The following MEI4 variants were observed in gnomAD, a reference collection of about 807,000 sequenced individuals.
The protein encoded by MEI4 is meiosis-specific protein MEI4.
A neutral mutation model predicts 31.4 loss-of-function variants in MEI4; 27 were observed. The observed-to-expected ratio is 0.86, with a 90% CI of 0.63 to 1.19. The LOEUF is 1.19. Among genes scored for constraint, MEI4 ranks in the 50% most tolerant of loss-of-function variants. MEI4 has a pLI of 0.00. For synonymous variants in MEI4, 122 were observed against 145.4 expected, an observed-to-expected ratio of 0.84 and a Z score of 1.16; for missense variants, 329 against 398.9, an observed-to-expected ratio of 0.82 and a Z score of 1.49.
At chr6:77,679,854 C>T (rs1433078779) in intron 1 of MEI4, among the ~76,000 whole-genome samples, 1 of 151,488 alleles carries the variant, frequency 6.6e-6, no homozygotes, top group Non-Finnish European at 1.5e-5. Flanking sequence ...GATTCTCCTG[C>T]CTCAACCTCC....
chr6:77,915,956 A>G (rs1279015429), intron 4 of MEI4, among the ~76,000 whole-genome samples: 3 of 151,762 alleles, frequency 2.0e-5, no homozygotes, highest in Non-Finnish European at 2.9e-5. Context: ...ATTCTTTTTC[A>G]TTCTGTCATC....
chr6:77,781,331 G>A (rs1768591818), intron 3 of MEI4, among the ~76,000 whole-genome samples: 1 of 151,952 alleles, frequency 6.6e-6, no homozygotes, highest in Admixed American at 6.6e-5. Flanking sequence ...TTTTTCTAAT[G>A]CTTACGACCT....
chr6:77,815,653 A>C (rs1388315957), intron 3 of MEI4, among the ~76,000 whole-genome samples: 1 of 152,146 alleles, frequency 6.6e-6, no homozygotes, highest in African/African-American at 2.4e-5. Flanking sequence ...GAGAACTTAG[A>C]TACTAGGTAA....
chr6:77,709,582 C>T (rs1030822442), intron 2 of MEI4, among the ~76,000 whole-genome samples: 1 of 152,092 alleles, frequency 6.6e-6, no homozygotes, highest in Admixed American at 6.5e-5. Context: ...CTTATACATA[C>T]TTTTTATAGT....
At chr6:77,762,382 G>C (rs752530606) in intron 3 of MEI4, among the ~76,000 whole-genome samples, 10 of 152,126 alleles carry the variant, frequency 6.6e-5, no homozygotes, top group Non-Finnish European at 1.3e-4. Context: ...AGACATGATA[G>C]AGAATTTCTT....
At chr6:77,788,115 T>C (rs1329659518) in intron 3 of MEI4, among the ~76,000 whole-genome samples, 6 of 152,024 alleles carry the variant, frequency 3.9e-5, no homozygotes, top group Non-Finnish European at 8.8e-5. Flanking sequence ...AATCAATAAA[T>C]GTAATCCAGC....
At chr6:77,755,509 C>T (rs897521545) in intron 2 of MEI4, among the ~76,000 whole-genome samples, 1 of 152,058 alleles carries the variant, frequency 6.6e-6, no homozygotes, top group South Asian at 2.1e-4. Context: ...ACCTCCACCT[C>T]CCATGTTCAA....
intron 2 of MEI4, among the ~76,000 whole-genome samples, chr6:77,726,476 G>C (rs926118467): frequency 6.6e-6 from 1 of 152,164 alleles, no homozygotes; most frequent in South Asian, 2.1e-4. Flanking sequence ...AGAAGAGACA[G>C]CATGTGAACA....
At chr6:77,650,786 TG>T (rs1768286188), upstream of MEI4, among the ~76,000 whole-genome samples, 1 of 152,256 alleles carries the variant, frequency 6.6e-6, no homozygotes, top group African/African-American at 2.4e-5. Flanking sequence ...GTGGAGCTGC[TG>T]AAGCATCGGC....
chr6:77,690,654 A>G lies in MEI4; in HGVS notation c.-14-4A>G. On this transcript the variant is annotated splice_region_variant and splice_polypyrimidine_tract_variant and intron_variant, in intron 1 of 4. Coordinates refer to ENST00000684080, the MANE Select transcript of MEI4 (RefSeq NM_001322247.2). Reference sequence around the variant, plus strand: ...TCTATAACTTTTTTCTTATTAAATGATAGGGACAAAAGCCAGGATGGATGT... The same window carrying G: ...TCTATAACTTTTTTCTTATTAAATGGTAGGGACAAAAGCCAGGATGGATGT... 8.3e-7 allele frequency: 1 copy of G among 1,204,486 alleles called. No homozygotes were observed. The highest frequency in any genetic ancestry group is 1.0e-6 in the Non-Finnish European group (1 of 962,864). The allele number at this position is 1,204,486 out of a possible 1,614,324, so 74.6% of individuals were successfully genotyped here. A position where few individuals can be genotyped will look rare whatever the true frequency, so the allele number is the denominator to read the frequency against.
At chr6:77,913,127 TG>T (rs1253130792) in intron 4 of MEI4, among the ~76,000 whole-genome samples, 4 of 152,200 alleles carry the variant, frequency 2.6e-5, no homozygotes, top group Non-Finnish European at 5.9e-5. Context: ...CTTGCATTTC[TG>T]GGATGAATTC....
At chr6:77,892,205 C>G (rs756048415) in intron 4 of MEI4, among the ~76,000 whole-genome samples, 5 of 152,116 alleles carry the variant, frequency 3.3e-5, no homozygotes, top group Non-Finnish European at 5.9e-5. Flanking sequence ...AAGCCACCCC[C>G]TACTCCCCAT....
In MEI4 at chr6:77,707,052, G is replaced by A. The variant is rs1766348395; in HGVS notation, c.232+16149G>A. Among the ~76,000 whole-genome samples the A allele has an allele frequency of 5.3e-5, 8 of 151,052 alleles. 1 individual carries two copies. The highest frequency in any genetic ancestry group is 4.4e-5 in the Non-Finnish European group (3 of 67,538). On this transcript the variant is annotated intron_variant, in intron 2 of 4. Coordinates refer to ENST00000684080, the MANE Select transcript of MEI4 (RefSeq NM_001322247.2). ...ATGTGGTTTTGAAAGTGGGCAATGG[G>A]CAGAGTTTGGGAGAGTTTGGAGAGC...
intron 2 of MEI4, among the ~76,000 whole-genome samples, chr6:77,745,096 C>T (rs1767554941): frequency 6.6e-6 from 1 of 152,158 alleles, no homozygotes; most frequent in East Asian, 1.9e-4. Context: ...ATCATAATGA[C>T]AGGATCAAAT....
intron 4 of MEI4, among the ~76,000 whole-genome samples, chr6:77,845,817 A>T (rs1225589227): frequency 6.6e-6 from 1 of 151,532 alleles, no homozygotes; most frequent in Non-Finnish European, 1.5e-5. Context: ...CAAGTTCAAA[A>T]GTAAAACTGT....
intron 3 of MEI4, among the ~76,000 whole-genome samples, chr6:77,805,554 G>T (rs1769408333): frequency 6.6e-6 from 1 of 152,062 alleles, no homozygotes; most frequent in Non-Finnish European, 1.5e-5. Context: ...ATAGTAATTA[G>T]AGCTTTACAT....
intron 2 of MEI4, among the ~76,000 whole-genome samples, chr6:77,747,267 G>T (rs1299124581): frequency 6.6e-6 from 1 of 152,050 alleles, no homozygotes; most frequent in Non-Finnish European, 1.5e-5. Context: ...AGCCGAGATT[G>T]TGCCACTGCA....
chr6:77,897,532 T>C (rs939363524), intron 4 of MEI4, among the ~76,000 whole-genome samples: 4 of 151,872 alleles, frequency 2.6e-5, no homozygotes, highest in African/African-American at 9.7e-5. Flanking sequence ...ATATATATCT[T>C]TCACAAATAC....
In MEI4 at chr6:77,690,736, C is replaced by T. The variant is rs1356624369; in HGVS notation, c.65C>T (p.Ser22Leu). The change falls in exon 2 of 5, where the codon TCA becomes TTA. Residue 22 changes from serine to leucine, a missense_variant. Ser to Leu is a moderately radical substitution (Grantham distance 145). Transcript: ENST00000684080. ...GCTCTGGCCTTGGCAATTATCCGCT[C>T]AAAACCAGCAGACAAAAGCAGCAGA... The part of the protein sequence containing the change: ...KLALALAIIR[S>L]KPADKSSREY... The T allele has an allele frequency of 8.9e-6, 11 of 1,231,540 alleles. No individual in the cohort carries two copies. In the South Asian group the frequency reaches 3.3e-4, roughly 37 times the overall value. 76.3% of individuals were successfully genotyped at this position (1,231,540 alleles called of 1,614,324 possible).
Sources: allele counts gnomAD v4.1 joint callset (sites outside exome capture counted in the v4.1 genomes callset), GRCh38; gene constraint gnomAD v4.1.1; transcripts MANE v1.5; gene names NCBI Gene and HGNC (gene_info 2026-07-23, HGNC 2026-07-21).